FOXO3: variants seen among roughly 807,000 people sequenced by gnomAD.
FOXO3 encodes forkhead box protein O3.
Under a neutral mutation model 41.9 loss-of-function variants are expected in FOXO3, and 4 were observed. That is an observed-to-expected ratio of 0.10 (90% CI 0.05 to 0.22). FOXO3 has a LOEUF of 0.22. FOXO3 is among the 10% of genes least tolerant of loss of function. FOXO3 has a pLI of 1.00. For synonymous variants in FOXO3, 318 were observed against 389.3 expected (o/e 0.82, Z 2.16); for missense variants, 534 against 906.8 (o/e 0.59, Z 5.28).
At chr6:108,661,205 G>A (rs978378619) in intron 1 of FOXO3, among the ~76,000 whole-genome samples, 2 of 152,174 alleles carry the variant, frequency 1.3e-5, no homozygotes, top group Admixed American at 1.3e-4. Flanking sequence ...TCAAGCCATT[G>A]CACTCCAGCC....
chr6:108,560,853 AG>A, upstream of FOXO3: 1 of 522,428 alleles, frequency 1.9e-6, no homozygotes, highest in Non-Finnish European at 2.6e-6. Context: ...CGGCGGGGGG[AG>A]GGGGCTGCCC....
At chr6:108,633,964 G>A (rs1054111988) in intron 1 of FOXO3, among the ~76,000 whole-genome samples, 6 of 152,048 alleles carry the variant, frequency 3.9e-5, no homozygotes, top group Non-Finnish European at 4.4e-5. Context: ...TTTGATTGCC[G>A]CCAAACCTCA....
At chr6:108,666,377 C>A (rs1303474097) in intron 2 of FOXO3, among the ~76,000 whole-genome samples, 1 of 151,722 alleles carries the variant, frequency 6.6e-6, no homozygotes, top group Non-Finnish European at 1.5e-5. Context: ...GCTCTGTCTC[C>A]CAGGCTGGAG....
At chr6:108,625,499 T>C (rs1386728935) in intron 1 of FOXO3, among the ~76,000 whole-genome samples, 1 of 152,248 alleles carries the variant, frequency 6.6e-6, no homozygotes, top group African/African-American at 2.4e-5. Flanking sequence ...ATTTTCACTG[T>C]ATTAATCATT....
intron 1 of FOXO3, among the ~76,000 whole-genome samples, chr6:108,595,960 G>T (rs1279793995): frequency 6.6e-6 from 1 of 152,166 alleles, no homozygotes; most frequent in African/African-American, 2.4e-5. Context: ...AATGGTGGCA[G>T]GCCCTGGTCC....
intron 1 of FOXO3, among the ~76,000 whole-genome samples, chr6:108,615,654 A>AT (rs1454103079): frequency 6.6e-6 from 1 of 151,504 alleles, no homozygotes; most frequent in Non-Finnish European, 1.5e-5. Context: ...ATTTCTTCAG[A>AT]TTTTTTTTCC....
At chr6:108,601,372 C>T (rs534952413) in intron 1 of FOXO3, among the ~76,000 whole-genome samples, 3 of 152,246 alleles carry the variant, frequency 2.0e-5, no homozygotes, top group Admixed American at 1.3e-4. Context: ...GGCACAATCT[C>T]GGCTCACTGC....
intron 2 of FOXO3, among the ~76,000 whole-genome samples, chr6:108,678,891 T>TTTTTTTTTTTTA (rs56036272): frequency 1.7e-5 from 1 of 59,198 alleles, no homozygotes; most frequent in African/African-American, 3.6e-5. Context: ...TTTTTTTTTT[T>TTTTTTTTTTTTA]GAGACGGAGT....
At chr6:108,658,226 C>T (rs1431909335) in intron 1 of FOXO3, among the ~76,000 whole-genome samples, 1 of 152,084 alleles carries the variant, frequency 6.6e-6, no homozygotes, top group Non-Finnish European at 1.5e-5. Flanking sequence ...ATTTGTTGGC[C>T]TTTGTCAATG....
intron 1 of FOXO3, among the ~76,000 whole-genome samples, chr6:108,648,865 C>T (rs960250392): frequency 3.3e-5 from 5 of 151,582 alleles, no homozygotes; most frequent in African/African-American, 4.8e-5. Context: ...AGTGTAGGGG[C>T]GCACACCTGT....
At chr6:108,626,219 A>G (rs1211738760) in intron 1 of FOXO3, among the ~76,000 whole-genome samples, 2 of 152,100 alleles carry the variant, frequency 1.3e-5, no homozygotes, top group Admixed American at 1.3e-4. Flanking sequence ...TAATCCTTTT[A>G]TTTCTCTATG....
At chr6:108,578,425 A>G (rs1000295647) in intron 1 of FOXO3, among the ~76,000 whole-genome samples, 1 of 152,226 alleles carries the variant, frequency 6.6e-6, no homozygotes. Context: ...ATCTGTTGAA[A>G]TATAACAAAG....
At chr6:108,602,670 CT>C (rs1307665471) in intron 1 of FOXO3, among the ~76,000 whole-genome samples, 1 of 151,796 alleles carries the variant, frequency 6.6e-6, no homozygotes, top group Non-Finnish European at 1.5e-5. Context: ...AAAAAAAAAC[CT>C]TTTATTATTA....
intron 1 of FOXO3, among the ~76,000 whole-genome samples, chr6:108,643,981 C>T (rs762004880): frequency 3.3e-5 from 5 of 152,170 alleles, no homozygotes; most frequent in East Asian, 1.9e-4. Flanking sequence ...TTCCTGTGGC[C>T]GTTGTTACCC....
rs190356028 is a variant in FOXO3 at position 108,563,403 on chromosome 6, A to G, written c.621+1574A>G. Among the ~76,000 whole-genome samples the G allele has an allele frequency of 1.3e-3, 193 of 152,368 alleles. 1 individual carries two copies. Among genetic ancestry groups the G allele is most frequent in the African/African-American group, 4.5e-3 (188 of 41,586 alleles). On this transcript the variant is annotated intron_variant, in intron 1 of 2. Transcript: ENST00000406360. ...AAGAATGCCAGGTGTATGATACGAG[A>G]GTTCTTTACAGAAAGGATGAAAGTT...
At chr6:108,564,538 G>T (rs1234903914) in intron 1 of FOXO3, among the ~76,000 whole-genome samples, 1 of 152,224 alleles carries the variant, frequency 6.6e-6, no homozygotes, top group Non-Finnish European at 1.5e-5. Flanking sequence ...AAAGGGCACG[G>T]TATGCAGGGC....
At chr6:108,570,723 C>G (rs1359881129) in intron 1 of FOXO3, among the ~76,000 whole-genome samples, 1 of 152,172 alleles carries the variant, frequency 6.6e-6, no homozygotes, top group African/African-American at 2.4e-5. Context: ...AGGGAGTACA[C>G]AAGTCTTTAA....
At chr6:108,669,556 A>T (rs563067732) in intron 2 of FOXO3, among the ~76,000 whole-genome samples, 1 of 152,328 alleles carries the variant, frequency 6.6e-6, no homozygotes, top group Non-Finnish European at 1.5e-5. Flanking sequence ...TAGCCTGAAG[A>T]ATTCTGCATC....
chr6:108,625,686 T>C (rs1777795195), intron 1 of FOXO3, among the ~76,000 whole-genome samples: 1 of 152,154 alleles, frequency 6.6e-6, no homozygotes. Flanking sequence ...AAGGATGCTG[T>C]GATGTGGAGT....
Sources: gnomAD v4.1 joint callset for allele counts (sites outside exome capture counted in the v4.1 genomes callset) on GRCh38, gnomAD v4.1.1 for gene constraint, MANE v1.5 for transcripts, NCBI Gene and HGNC (gene_info 2026-07-23, HGNC 2026-07-21) for gene names.